The following ULK4 variants were observed in gnomAD, a reference collection of about 807,000 sequenced individuals.
ULK4 encodes the protein unc-51 like kinase 4, also known as inactive serine/threonine-protein kinase ULK4.
A neutral mutation model predicts 160.6 loss-of-function variants in ULK4; 133 were observed. That is an observed-to-expected ratio of 0.83 (90% CI 0.72 to 0.96). The LOEUF (loss-of-function observed/expected upper bound fraction) is 0.96, where lower values mean the gene tolerates loss of function less well. ULK4 is among the 40% of genes least tolerant of loss of function. The pLI, the probability that ULK4 is intolerant of heterozygous loss-of-function variation, is 0.00. For missense variants in ULK4, 1,580 were observed against 1,499.5 expected (o/e 1.05, Z -0.89); for synonymous variants, 534 against 539.8 (o/e 0.99, Z 0.15).
chr3:41,676,602 A>G (rs1389382876), intron 29 of ULK4, among the ~76,000 whole-genome samples: 1 of 152,210 alleles, frequency 6.6e-6, no homozygotes, highest in Non-Finnish European at 1.5e-5. Flanking sequence ...GTTAAAAAAA[A>G]AAAATTCTGA....
At chr3:41,572,526 C>G (rs944604406) in intron 31 of ULK4, among the ~76,000 whole-genome samples, 6 of 151,490 alleles carry the variant, frequency 4.0e-5, no homozygotes, top group African/African-American at 1.5e-4. Context: ...TTTGGGAGGC[C>G]GAGGCAGGTG....
chr3:41,495,656 A>T (rs1038360247), intron 32 of ULK4, among the ~76,000 whole-genome samples: 6 of 151,312 alleles, frequency 4.0e-5, no homozygotes, highest in Non-Finnish European at 7.4e-5. Context: ...ACAAAATGGG[A>T]GAAAATTTTT....
At chr3:41,689,042 G>C (rs961707510) in intron 27 of ULK4, among the ~76,000 whole-genome samples, 6 of 152,142 alleles carry the variant, frequency 3.9e-5, no homozygotes, top group African/African-American at 1.4e-4. Flanking sequence ...AGCCAAAAAT[G>C]TTCCCCGAAC....
chr3:41,681,368 T>C, intron 29 of ULK4, 140 bp downstream of exon 29: 3 of 1,237,462 alleles, frequency 2.4e-6, no homozygotes, highest in Non-Finnish European at 1.1e-6. Flanking sequence ...CTGTCTAAAC[T>C]TTTTTTATAA....
chr3:41,657,818 T>A (rs1264230728), intron 30 of ULK4, among the ~76,000 whole-genome samples: 6 of 99,730 alleles, frequency 6.0e-5, no homozygotes, highest in Non-Finnish European at 7.1e-5. Context: ...TCCATCTCAT[T>A]AAAAAAAAAA....
intron 21 of ULK4, 78 bp downstream of exon 21, chr3:41,789,583 G>A: frequency 7.4e-7 from 1 of 1,342,568 alleles, no homozygotes; most frequent in Non-Finnish European, 1.0e-6. Context: ...CTACAAACAT[G>A]ACATTACTTG....
chr3:41,352,799 G>C (rs923584755), intron 35 of ULK4, among the ~76,000 whole-genome samples: 7 of 152,202 alleles, frequency 4.6e-5, no homozygotes, highest in Admixed American at 2.6e-4. Context: ...GTGGCTTGCA[G>C]GAAGGCAGAT....
intron 30 of ULK4, among the ~76,000 whole-genome samples, chr3:41,645,434 C>G (rs568918158): frequency 6.6e-6 from 1 of 151,878 alleles, no homozygotes; most frequent in African/African-American, 2.4e-5. Context: ...TTATTTCTGC[C>G]TTTGTTTCGT....
At chr3:41,473,401 C>T (rs2084044828) in intron 32 of ULK4, among the ~76,000 whole-genome samples, 1 of 152,022 alleles carries the variant, frequency 6.6e-6, no homozygotes, top group Non-Finnish European at 1.5e-5. Context: ...GTGGCTCACG[C>T]CTGTAAACCC....
chr3:41,785,312 A>G (rs890595548), intron 21 of ULK4, among the ~76,000 whole-genome samples: 1 of 152,220 alleles, frequency 6.6e-6, no homozygotes, highest in Non-Finnish European at 1.5e-5. Flanking sequence ...GAAAACAGCA[A>G]GAAAAATCAA....
Position 41,809,597 on chromosome 3 carries a change from T to G in ULK4, c.1849-9304A>C, listed in dbSNP as rs562030042. On this transcript the variant is annotated intron_variant, in intron 19 of 36. Coordinates refer to ENST00000301831, the MANE Select transcript of ULK4 (RefSeq NM_017886.4). ...GTTTCCGCATATCACTGATTCAAAG[T>G]GTGTCTCCTCTCCCCTGCTCTGCAG... is the stretch of plus-strand genomic sequence containing the variant. Among the ~76,000 whole-genome samples, 9 of 152,298 alleles carry G rather than the reference T, an allele frequency of 5.9e-5. No individual in the cohort carries two copies. The East Asian group carries it at 1.7e-3, about 29-fold the overall frequency.
At chr3:41,703,829 C>G (rs1187156083) in intron 27 of ULK4, among the ~76,000 whole-genome samples, 2 of 119,982 alleles carry the variant, frequency 1.7e-5, no homozygotes, top group East Asian at 2.6e-4. Context: ...GGATTTAATG[C>G]GCATGCACAC....
chr3:41,365,816 A>T (rs1159222314), intron 35 of ULK4, among the ~76,000 whole-genome samples: 3 of 152,180 alleles, frequency 2.0e-5, no homozygotes, highest in Non-Finnish European at 4.4e-5. Context: ...CAATGGAAAG[A>T]CAACTACATC....
chr3:41,877,560 C>G (rs1697355214), intron 17 of ULK4, among the ~76,000 whole-genome samples: 1 of 152,034 alleles, frequency 6.6e-6, no homozygotes, highest in Non-Finnish European at 1.5e-5. Context: ...CGCCTGAACT[C>G]AAGTGATCCA....
chr3:41,819,283 T>C, intron 19 of ULK4, 140 bp downstream of exon 19: 1 of 665,872 alleles, frequency 1.5e-6, no homozygotes, highest in Non-Finnish European at 2.4e-6. Flanking sequence ...TTGCTCATGG[T>C]AGGTTGTCGG....
At chr3:41,696,362 T>C (rs2036500477) in intron 27 of ULK4, among the ~76,000 whole-genome samples, 1 of 152,082 alleles carries the variant, frequency 6.6e-6, no homozygotes, top group Non-Finnish European at 1.5e-5. Flanking sequence ...GTAAGCTGTC[T>C]CTCTCTCTCC....
At chr3:41,378,179 T>G (rs372914102) in intron 35 of ULK4, among the ~76,000 whole-genome samples, 1 of 119,848 alleles carries the variant, frequency 8.3e-6, no homozygotes, top group Non-Finnish European at 1.6e-5. Flanking sequence ...AACAATGAGA[T>G]CACATGGACA....
chr3:41,338,145 A>G (rs1039266309), intron 35 of ULK4, among the ~76,000 whole-genome samples: 2 of 152,220 alleles, frequency 1.3e-5, no homozygotes, highest in Non-Finnish European at 2.9e-5. Flanking sequence ...AAATAAGAAG[A>G]GAGAAAGTGC....
chr3:41,856,177 C>T (rs542395196), intron 17 of ULK4, among the ~76,000 whole-genome samples: 1 of 152,030 alleles, frequency 6.6e-6, no homozygotes, highest in African/African-American at 2.4e-5. Flanking sequence ...TCACTTCATT[C>T]CACACAAAAA....
Sources: gnomAD v4.1 joint callset for allele counts (sites outside exome capture counted in the v4.1 genomes callset) on GRCh38, gnomAD v4.1.1 for gene constraint, MANE v1.5 for transcripts, NCBI Gene and HGNC (gene_info 2026-07-23, HGNC 2026-07-21) for gene names.